ANKRD28: variants seen among roughly 807,000 people sequenced by gnomAD.
ANKRD28 encodes the protein ankyrin repeat domain 28.
In ANKRD28, 44 loss-of-function variants were observed where a neutral mutation model predicts 126.5. That is an observed-to-expected ratio of 0.35 (90% CI 0.27 to 0.45). The LOEUF (loss-of-function observed/expected upper bound fraction) is 0.45. ANKRD28 is among the 20% of genes least tolerant of loss of function. The pLI, the probability that ANKRD28 is intolerant of heterozygous loss-of-function variation, is 1.00. For synonymous variants in ANKRD28, 442 were observed against 468.5 expected (o/e 0.94, Z 0.73); for missense variants, 1,110 against 1,316.6 (o/e 0.84, Z 2.43).
intron 6 of ANKRD28, among the ~76,000 whole-genome samples, chr3:15,728,931 T>C (rs1474860809): frequency 6.6e-6 from 1 of 152,230 alleles, no homozygotes; most frequent in East Asian, 1.9e-4. Flanking sequence ...ATCAATGTTT[T>C]TATTTCTCTC....
At chr3:15,777,271 C>CAAAAAAAAA (rs148444429) in intron 2 of ANKRD28, among the ~76,000 whole-genome samples, 6 of 111,556 alleles carry the variant, frequency 5.4e-5, no homozygotes, top group Admixed American at 9.2e-5. Context: ...GACTCCGTCT[C>CAAAAAAAAA]AAAAAAAAAA....
chr3:15,777,594 G>T (rs573741345), intron 2 of ANKRD28, among the ~76,000 whole-genome samples: 1 of 152,054 alleles, frequency 6.6e-6, no homozygotes, highest in Non-Finnish European at 1.5e-5. Flanking sequence ...TCTAAATGAT[G>T]AGTTTATTAT....
intron 1 of ANKRD28, among the ~76,000 whole-genome samples, chr3:15,841,414 A>G (rs2061422852): frequency 6.6e-6 from 1 of 152,204 alleles, no homozygotes; most frequent in Admixed American, 6.5e-5. Context: ...GACAACCCAC[A>G]GAATGGGAGA....
rs1410489019 is a variant in ANKRD28 at position 15,667,503 on chromosome 3, T to C, written c.*2767A>G. On this transcript the variant is annotated 3_prime_UTR_variant, in exon 28 of 28. Transcript: ENST00000683139. ...AGCAAACAGGCTTTTCTACTCTGTG[T>C]GAGGATAAGAAACACTACAGAACAG... 1 of 152,238 alleles carries C rather than the reference T, an allele frequency of 6.6e-6. No homozygotes were observed. Among genetic ancestry groups the C allele is most frequent in the Non-Finnish European group, 1.5e-5 (1 of 68,040 alleles). 9.4% of individuals were successfully genotyped at this position (152,238 alleles called of 1,614,324 possible). A position where few individuals can be genotyped will look rare whatever the true frequency, so the allele number is the denominator to read the frequency against.
At chr3:15,712,273 C>G in intron 10 of ANKRD28, 51 bp from the exon 11 acceptor site, 1 of 1,402,624 alleles carries the variant, frequency 7.1e-7, no homozygotes, top group Non-Finnish European at 9.9e-7. Context: ...AAGAAAAATA[C>G]AATCAGTTAA....
chr3:15,713,591 C>T lies in ANKRD28; in HGVS notation c.1126G>A (p.Ala376Thr), dbSNP rs201242217. The T allele has an allele frequency of 6.1e-4, 982 of 1,610,806 alleles. No homozygotes were observed. Among genetic ancestry groups the T allele is most frequent in the Non-Finnish European group, 8.0e-4 (941 of 1,178,976 alleles). ...DKNGNTPLHI[A>T]ARYGHELLIN... is the part of the protein sequence containing the mutation. Reference sequence around the variant, plus strand: ...AGCAGCTCATGGCCATACCGTGCTGCTATGTGCAAAGGGGTATTTCCATTC... The same window carrying T: ...AGCAGCTCATGGCCATACCGTGCTGTTATGTGCAAAGGGGTATTTCCATTC... The change falls in exon 10 of 28, where the codon GCA (alanine) becomes ACA (threonine). Residue 376 changes from alanine to threonine, a missense_variant. Coordinates refer to ENST00000683139, the MANE Select transcript of ANKRD28 (RefSeq NM_001349278.2).
intron 1 of ANKRD28, among the ~76,000 whole-genome samples, chr3:15,811,310 C>G (rs2060706903): frequency 6.6e-6 from 1 of 152,224 alleles, no homozygotes. Context: ...AAGTACTCAA[C>G]TCATTTAAGT....
chr3:15,828,716 C>T (rs999637979), intron 1 of ANKRD28, among the ~76,000 whole-genome samples: 19 of 151,956 alleles, frequency 1.3e-4, no homozygotes, highest in African/African-American at 3.4e-4. Flanking sequence ...CAGATTTTCC[C>T]GATTTCCTCT....
chr3:15,811,546 C>T (rs1399538293), intron 1 of ANKRD28, among the ~76,000 whole-genome samples: 4 of 152,042 alleles, frequency 2.6e-5, no homozygotes, highest in Non-Finnish European at 5.9e-5. Context: ...CCTCTGTCTC[C>T]TGGGTTCAAG....
Position 15,670,489 on chromosome 3 carries a change from G to A in ANKRD28, c.3033C>T (p.Ala1011=). The stretch of plus-strand genomic sequence containing the variant: ...TACTTGATGAGACAGGCATCATGGT[G>A]GCCAAAATGAGAGCCAGGCAATCAG... ...DVADCLALIL[A]TMMPVSSSSP... The change falls in exon 28 of 28, where the codon GCC becomes GCT. Residue 1011 remains alanine (A), a synonymous_variant. Transcript: ENST00000683139. 6.2e-7 allele frequency: 1 copy of A among 1,613,926 alleles called. No individual in the cohort carries two copies. Among genetic ancestry groups the A allele is most frequent in the Non-Finnish European group, 8.5e-7 (1 of 1,179,846 alleles).
At chr3:15,850,202 A>AT (rs1455598240) in intron 1 of ANKRD28, among the ~76,000 whole-genome samples, 931 of 53,898 alleles carry the variant, frequency 0.017, 11 homozygotes, top group South Asian at 0.046. Context: ...AAAAAAAAAA[A>AT]AAATATATAT....
intron 4 of ANKRD28, among the ~76,000 whole-genome samples, chr3:15,741,062 G>C (rs1037875582): frequency 6.6e-6 from 1 of 152,172 alleles, no homozygotes; most frequent in Admixed American, 6.5e-5. Flanking sequence ...AGCCAGGTGG[G>C]GGGGCGGGCG....
chr3:15,707,311 A>G (rs1366226761), intron 14 of ANKRD28, among the ~76,000 whole-genome samples: 3 of 152,216 alleles, frequency 2.0e-5, no homozygotes. Context: ...ACTTTAGGTG[A>G]ATATTATTAT....
intron 2 of ANKRD28, 26 bp from the exon 3 acceptor site, chr3:15,766,338 A>G (rs931883170): frequency 1.3e-6 from 2 of 1,552,858 alleles, no homozygotes; most frequent in South Asian, 1.2e-5. Flanking sequence ...AAGGTGGGAA[A>G]TAAGTTTTAA....
chr3:15,755,323 T>C (rs917280111), intron 3 of ANKRD28, among the ~76,000 whole-genome samples: 2 of 152,122 alleles, frequency 1.3e-5, no homozygotes, highest in African/African-American at 4.8e-5. Flanking sequence ...CAGATAAATA[T>C]GACACAGTAA....
intron 17 of ANKRD28, among the ~76,000 whole-genome samples, chr3:15,692,529 T>C (rs1292451890): frequency 3.9e-5 from 6 of 152,156 alleles, no homozygotes; most frequent in Non-Finnish European, 7.3e-5. Flanking sequence ...GCCACAGGGC[T>C]TTTCCCCCCA....
intron 1 of ANKRD28, among the ~76,000 whole-genome samples, chr3:15,855,560 T>C (rs1181970051): frequency 1.3e-5 from 2 of 152,232 alleles, no homozygotes; most frequent in Non-Finnish European, 2.9e-5. Flanking sequence ...GGCAGTGAGA[T>C]GACCTGAGTA....
At chr3:15,800,361 C>A (rs903622122), upstream of ANKRD28, among the ~76,000 whole-genome samples, 5 of 152,056 alleles carry the variant, frequency 3.3e-5, no homozygotes, top group African/African-American at 1.2e-4. Flanking sequence ...TATTTAGTAA[C>A]CTCTCTGTGC....
intron 26 of ANKRD28, chr3:15,676,606 T>G (rs2066964034): frequency 5.8e-6 from 1 of 171,026 alleles, no homozygotes; most frequent in Admixed American, 6.0e-5. Context: ...AGAAACCTTA[T>G]TGGCTTACAG....
Sources: gnomAD v4.1 joint callset for allele counts (sites outside exome capture counted in the v4.1 genomes callset) on GRCh38, gnomAD v4.1.1 for gene constraint, MANE v1.5 for transcripts, NCBI Gene and HGNC (gene_info 2026-07-23, HGNC 2026-07-21) for gene names.